The following CHD8 variants were observed in gnomAD, a reference collection of about 807,000 sequenced individuals.
CHD8 encodes ATP-dependent chromatin remodeler CHD8.
CHD8 carries 31 observed loss-of-function variants against 279.2 expected under a neutral mutation model. The ratio of observed to expected loss-of-function variants is 0.11; its 90% confidence interval spans 0.08 to 0.15. The LOEUF (loss-of-function observed/expected upper bound fraction) is 0.15. CHD8 is among the 10% of genes least tolerant of loss of function. The pLI, the probability that CHD8 is intolerant of heterozygous loss-of-function variation, is 1.00. For missense variants in CHD8, 2,146 were observed against 3,230.5 expected (o/e 0.66, Z 8.14); for synonymous variants, 1,081 against 1,139.6 (o/e 0.95, Z 1.04).
At chr14:21,392,221 TCTCCGTA>T (rs1887577350) in intron 34 of CHD8, 2 of 754,358 alleles carry the variant, frequency 2.7e-6, no homozygotes, top group Admixed American at 3.4e-5. Flanking sequence ...CTACCTGGTG[TCTCCGTA>T]TTAGCATGGC....
chr14:21,437,904 T>C (rs8006302), intron 1 of CHD8, among the ~76,000 whole-genome samples: 11,791 of 152,146 alleles, frequency 0.077, 1,004 homozygotes, highest in African/African-American at 0.21. Flanking sequence ...CCTCACCCTC[T>C]AAACTCGGTT....
intron 29 of CHD8, 27 bp from the exon 30 acceptor site, chr14:21,395,146 G>C: frequency 6.2e-7 from 1 of 1,604,222 alleles, no homozygotes; most frequent in Non-Finnish European, 8.5e-7. Context: ...AGAATGAATA[G>C]GAAGTATAGC....
intron 1 of CHD8, among the ~76,000 whole-genome samples, chr14:21,439,800 C>CA (rs917401309): frequency 5.9e-5 from 9 of 151,940 alleles, no homozygotes; most frequent in Non-Finnish European, 7.4e-5. Context: ...ACTTGCTAGC[C>CA]AAAAAAAGAC....
At chr14:21,427,567 T>C (rs1301949279) in intron 4 of CHD8, 31 of 1,361,494 alleles carry the variant, frequency 2.3e-5, no homozygotes, top group Non-Finnish European at 2.5e-5. Context: ...AGCTTACTCT[T>C]GCACGTCCCA....
rs754005042 is a variant in CHD8, at chr14:21,408,390, C to T, written c.2652G>A (p.Met884Ile). 1.9e-5 allele frequency: 31 copies of T among 1,613,836 alleles called. No homozygotes were observed. Among genetic ancestry groups the T allele is most frequent in the Middle Eastern group, 1.6e-4 (1 of 6,084 alleles). Residue 884 changes from methionine (M) to isoleucine (I), a missense_variant, in exon 13 of 38, where the codon ATG becomes ATA. Coordinates refer to ENST00000646647, the MANE Select transcript of CHD8 (RefSeq NM_001170629.2). The surrounding 1 kb of genome is among the most constrained non-coding windows in gnomAD (Gnocchi z 4.3). ...GACTGCCATGGTACACAATAGTGTT[C>T]ATTTCTGTCCATGTATTAAATTCTC... ...WEREFNTWTE[M>I]NTIVYHGSLA...
rs1887176994 is a variant in CHD8, at chr14:21,385,337, G to GTT, written c.*275_*276insAA. The GTT allele has an allele frequency of 2.1e-6, 1 of 470,348 alleles. No individual in the cohort carries two copies. The highest frequency in any genetic ancestry group is 1.9e-5 in the African/African-American group (1 of 51,474). 29.1% of individuals were successfully genotyped at this position (470,348 alleles called of 1,614,324 possible). A position where few individuals can be genotyped will look rare whatever the true frequency, so the allele number is the denominator to read the frequency against. Reference sequence around the variant, plus strand: ...GCTACATAGTCTGTGGTTAATGGAGGTGACTAGGGAGGGGTGAGCACACCA... The same window carrying GTT: ...GCTACATAGTCTGTGGTTAATGGAGGTTTGACTAGGGAGGGGTGAGCACACCA... On this transcript the variant is annotated 3_prime_UTR_variant, in exon 38 of 38. Coordinates refer to ENST00000646647, the MANE Select transcript of CHD8 (RefSeq NM_001170629.2).
chr14:21,403,429 A>T lies in CHD8; in HGVS notation c.3518+24T>A. 1 of 1,571,808 alleles carries T rather than the reference A, an allele frequency of 6.4e-7. No homozygotes were observed. Among genetic ancestry groups the T allele is most frequent in the Non-Finnish European group, 8.7e-7 (1 of 1,145,356 alleles). The stretch of plus-strand genomic sequence containing the variant: ...TGCTTTATGAGGACAGAGTAACCAC[A>T]GGCTAGGATGACTCTTTTCTTACCT... On this transcript the variant is annotated intron_variant, in intron 17 of 37. Coordinates refer to ENST00000646647, the MANE Select transcript of CHD8 (RefSeq NM_001170629.2). The surrounding 1 kb of genome is among the most constrained non-coding windows in gnomAD (Gnocchi z 4.3).
chr14:21,453,959 G>C (rs1890316721), intron 1 of CHD8, among the ~76,000 whole-genome samples: 1 of 151,284 alleles, frequency 6.6e-6, no homozygotes, highest in African/African-American at 2.4e-5. Flanking sequence ...TTCAAGACCA[G>C]CCTAGCCAAT....
chr14:21,417,688 A>G (rs1368398227), intron 5 of CHD8, among the ~76,000 whole-genome samples: 1 of 151,752 alleles, frequency 6.6e-6, no homozygotes, highest in Non-Finnish European at 1.5e-5. Flanking sequence ...CCCTGTCTCT[A>G]CTAAAAATAC....
At position 21,402,314 on chromosome 14, in the gene CHD8, T is replaced by A. The variant is rs1325392710; in HGVS notation, c.3882+22A>T. On this transcript the variant is annotated intron_variant, in intron 19 of 37. Coordinates refer to ENST00000646647, the MANE Select transcript of CHD8 (RefSeq NM_001170629.2). This position sits in a 1 kb window ranked among gnomAD's most constrained non-coding sequence, Gnocchi z 4.5. ...ATCACAATGATCTACTACAAACTTA[T>A]CTATAAACTAAGAGGACTCACTCCA... 3.7e-6 allele frequency: 6 copies of A among 1,612,978 alleles called. No individual in the cohort carries two copies. The Admixed American group carries it at 6.7e-5, about 18-fold the overall frequency.
At chr14:21,451,876 C>T (rs1890265273) in intron 1 of CHD8, among the ~76,000 whole-genome samples, 1 of 152,156 alleles carries the variant, frequency 6.6e-6, no homozygotes, top group Non-Finnish European at 1.5e-5. Context: ...GATTAAGATA[C>T]TTTGTAGTTT....
chr14:21,454,162 A>AAAAAAAAAAGAAAAG (rs1555321148), intron 1 of CHD8, among the ~76,000 whole-genome samples: 2 of 127,076 alleles, frequency 1.6e-5, no homozygotes, highest in Non-Finnish European at 1.6e-5. Context: ...CGTCTCAAAA[A>AAAAAAAAAAGAAAAG]AAAAGAAAAG....
Position 21,392,539 on chromosome 14 carries a change from C to T in CHD8, c.6739G>A (p.Asp2247Asn). The change falls in exon 34 of 38, where the codon GAT becomes AAT. Residue 2247 changes from aspartate to asparagine, a missense_variant. Physicochemically the swap from Asp to Asn is conservative, Grantham distance 23 (BLOSUM62 1). Around this residue, in one of 26 missense-constraint regions of CHD8, gnomAD observed 513 missense variants for 637.6 expected, o/e 0.80. Coordinates refer to ENST00000646647, the MANE Select transcript of CHD8 (RefSeq NM_001170629.2). ...AQFTKLRRGM[D>N]EKEFTVQIKD... Reference sequence around the variant, plus strand: ...ATTTGAACTGTAAACTCCTTTTCATCCATGCCTCGGCGAAGTTTGGTGAAC... The same window carrying T: ...ATTTGAACTGTAAACTCCTTTTCATTCATGCCTCGGCGAAGTTTGGTGAAC... 1 of 1,612,948 alleles carries T rather than the reference C, an allele frequency of 6.2e-7. No individual in the cohort carries two copies. Among genetic ancestry groups the T allele is most frequent in the Non-Finnish European group, 8.5e-7 (1 of 1,179,882 alleles).
intron 10 of CHD8, among the ~76,000 whole-genome samples, chr14:21,411,242 G>A (rs1054845735): frequency 2.0e-5 from 3 of 152,034 alleles, no homozygotes; most frequent in Non-Finnish European, 1.5e-5. Flanking sequence ...CCTAAAACCC[G>A]GCCCATTCTC....
chr14:21,407,042 A>G lies in CHD8; in HGVS notation c.2731-10T>C. The G allele has an allele frequency of 5.2e-6, 8 of 1,549,216 alleles. No homozygotes were observed. Among genetic ancestry groups the G allele is most frequent in the Non-Finnish European group, 7.0e-6 (8 of 1,149,036 alleles). ...CTGGGATGAGGCGTCCCTAAGCATG[A>G]AGGCAGTAAAGTCAGAAAAAACCAA... On this transcript the variant is annotated splice_polypyrimidine_tract_variant and intron_variant, in intron 13 of 37. Transcript: ENST00000646647.
At position 21,403,566 on chromosome 14, in the gene CHD8, C is replaced by A; in HGVS notation, c.3405G>T (p.Leu1135=). The change falls in exon 17 of 38, where the codon CTG becomes CTT. Residue 1135 remains leucine (L), a synonymous_variant. Transcript: ENST00000646647. This position sits in a 1 kb window ranked among gnomAD's most constrained non-coding sequence, Gnocchi z 4.3. ...TTGGAAGCAACTTGTCAATAAGAACCAGTTTGCCGGCTGAACGAACCATGG... is the reference window on the plus strand; with the variant it reads ...TTGGAAGCAACTTGTCAATAAGAACAAGTTTGCCGGCTGAACGAACCATGG... The part of the protein sequence containing the change: ...LQAMVRSAGK[L]VLIDKLLPKL... 6.2e-7 allele frequency: 1 copy of A among 1,613,060 alleles called. No homozygotes were observed. The highest frequency in any genetic ancestry group is 8.5e-7 in the Non-Finnish European group (1 of 1,179,438).
chr14:21,430,154 C>G (rs1205365521), intron 2 of CHD8: 1 of 154,530 alleles, frequency 6.5e-6, no homozygotes, highest in Non-Finnish European at 1.4e-5. Flanking sequence ...TCTTGAACTT[C>G]TGGCCTCAAG....
rs370102227 is a variant in CHD8, at chr14:21,405,772, G to A, written c.3000C>T (p.Pro1000=). 7 of 1,613,750 alleles carry A rather than the reference G, an allele frequency of 4.3e-6. No homozygotes were observed. In the African/African-American group the frequency reaches 8.0e-5, roughly 18 times the overall value. ...LLHFLEPSQF[P]SESEFLKDFG... The stretch of plus-strand genomic sequence containing the variant: ...AGTCCTTGAGAAACTCTGATTCTGA[G>A]GGAAATTGTGACGGTTCCAAGAAAT... Residue 1000 remains proline, a synonymous_variant, in exon 15 of 38, where the codon CCC becomes CCT. Transcript: ENST00000646647. This position sits in a 1 kb window ranked among gnomAD's most constrained non-coding sequence, Gnocchi z 4.2.
chr14:21,403,368 G>T lies in CHD8; in HGVS notation c.3518+85C>A. The stretch of plus-strand genomic sequence containing the variant: ...AAAAACTTCTCTTATTGCAATTGGT[G>T]AACTCTAATTAAATCCAGGCCCTCC... On this transcript the variant is annotated intron_variant, in intron 17 of 37. Transcript: ENST00000646647. The surrounding 1 kb of genome is among the most constrained non-coding windows in gnomAD (Gnocchi z 4.3). The T allele has an allele frequency of 7.7e-7, 1 of 1,294,186 alleles. No homozygotes were observed. The highest frequency in any genetic ancestry group is 1.1e-6 in the Non-Finnish European group (1 of 925,662). 80.2% of individuals were successfully genotyped at this position (1,294,186 alleles called of 1,614,324 possible).
Sources: gnomAD v4.1 joint callset for allele counts (sites outside exome capture counted in the v4.1 genomes callset) on GRCh38, gnomAD v4.1.1 for gene constraint, gnomAD v4.1.1 regional missense constraint, Gnocchi (gnomAD v3.1) non-coding constraint, MANE v1.5 for transcripts, NCBI Gene and HGNC (gene_info 2026-07-23, HGNC 2026-07-21) for gene names.